The following CHODL variants were observed in gnomAD, a reference collection of about 807,000 sequenced individuals.
CHODL encodes the protein transmembrane protein MT75.
Under a neutral mutation model 34.5 loss-of-function variants are expected in CHODL, and 29 were observed. The ratio of observed to expected loss-of-function variants is 0.84; its 90% CI spans 0.63 to 1.15. CHODL has a LOEUF of 1.15. Ranked by LOEUF, CHODL falls within the 50% of genes most tolerant of loss-of-function variation. The pLI is 0.00. For synonymous variants in CHODL, 125 were observed against 116.1 expected, an observed-to-expected ratio of 1.08 and a Z score of -0.49; for missense variants, 332 against 332.5, an observed-to-expected ratio of 1.00 and a Z score of 0.01.
In CHODL at chr21:18,180,557, C is replaced by T. The variant is rs371005062; in HGVS notation, c.-44-75952C>T. Among the ~76,000 whole-genome samples, 27 of 152,284 alleles carry T rather than the reference C, an allele frequency of 1.8e-4. No homozygotes were observed. In the South Asian group the frequency reaches 1.9e-3, roughly 11 times the overall value. ...GTAGAAGTAACCTTGTATCTTCTTA[C>T]GGTACATTATTACGTAGTTATTAAT... On this transcript the variant is annotated intron_variant, in intron 2 of 6. Transcript: ENST00000400127.
intron 2 of CHODL, among the ~76,000 whole-genome samples, chr21:18,145,833 T>C (rs1011340510): frequency 3.9e-5 from 6 of 152,224 alleles, no homozygotes; most frequent in African/African-American, 7.2e-5. Context: ...ATCTTTTACA[T>C]AGATGCATGT....
chr21:18,103,244 T>C (rs1202941698), intron 2 of CHODL, among the ~76,000 whole-genome samples: 1 of 152,126 alleles, frequency 6.6e-6, no homozygotes, highest in East Asian at 1.9e-4. Flanking sequence ...AAAAATGAGA[T>C]GTTAAGATAA....
intron 1 of CHODL, among the ~76,000 whole-genome samples, chr21:17,918,293 A>G (rs192302344): frequency 1.3e-5 from 2 of 152,270 alleles, no homozygotes; most frequent in Admixed American, 6.5e-5. Context: ...TCTGTAAAGT[A>G]GTTATTATAC....
intron 4 of CHODL, among the ~76,000 whole-genome samples, chr21:18,261,136 C>T (rs2146823262): frequency 6.6e-6 from 1 of 152,186 alleles, no homozygotes; most frequent in Admixed American, 6.5e-5. Flanking sequence ...ACATCTGGTC[C>T]ACTTTGACCA....
In CHODL at chr21:18,088,313, G is replaced by T. The variant is rs114510708; in HGVS notation, c.-45+60342G>T. Among the ~76,000 whole-genome samples the T allele has an allele frequency of 5.1e-3, 771 of 152,276 alleles. 1 individual carries two copies. Among genetic ancestry groups the T allele is most frequent in the African/African-American group, 0.017 (699 of 41,548 alleles). ...CAGGGCAGCAGGGTCACTTCCAGGG[G>T]TGTGTGAGAGTCTCACTCTCCCTCG... On this transcript the variant is annotated intron_variant, in intron 2 of 6. Coordinates refer to the CHODL transcript ENST00000400127.
At chr21:18,175,735 G>A (rs1207703770) in intron 2 of CHODL, among the ~76,000 whole-genome samples, 1 of 151,116 alleles carries the variant, frequency 6.6e-6, no homozygotes, top group African/African-American at 2.4e-5. Context: ...GAGATAGAGA[G>A]TATCAAAAGA....
intron 2 of CHODL, among the ~76,000 whole-genome samples, chr21:18,201,632 A>G (rs1393278446): frequency 6.6e-6 from 1 of 152,166 alleles, no homozygotes; most frequent in East Asian, 1.9e-4. Context: ...AACAACTGAC[A>G]TAATGAATTG....
chr21:18,062,390 G>A (rs187692976), intron 2 of CHODL, among the ~76,000 whole-genome samples: 20 of 151,860 alleles, frequency 1.3e-4, no homozygotes, highest in Admixed American at 3.3e-4. Flanking sequence ...TTTATTTTTT[G>A]TAGAGATGGG....
At chr21:18,242,951 C>A (rs2074095793), upstream of CHODL, among the ~76,000 whole-genome samples, 1 of 152,202 alleles carries the variant, frequency 6.6e-6, no homozygotes, top group Admixed American at 6.5e-5. Flanking sequence ...TTGTAATTTA[C>A]TGGTATTCTT....
Position 18,202,858 on chromosome 21 carries a change from A to C in CHODL, c.-44-53651A>C, listed in dbSNP as rs940500017. Among the ~76,000 whole-genome samples the C allele has an allele frequency of 2.6e-5, 4 of 152,242 alleles. No individual in the cohort carries two copies. The South Asian group carries it at 8.3e-4, about 31-fold the overall frequency. ...ACCTTAAAAGTGTAATATTCTGCAC[A>C]GTTTAACATAGACAGTAAATATGCT... On this transcript the variant is annotated intron_variant, in intron 2 of 6. Coordinates refer to the CHODL transcript ENST00000400127.
chr21:18,245,778 G>T (rs2074133555), intron 1 of CHODL: 8 of 714,172 alleles, frequency 1.1e-5, no homozygotes, highest in Non-Finnish European at 1.9e-5. Context: ...GTTCGCTGTG[G>T]GTCGCCTCCG....
intron 1 of CHODL, among the ~76,000 whole-genome samples, chr21:17,926,246 GA>G (rs150702868): frequency 2.7e-5 from 4 of 150,284 alleles, no homozygotes; most frequent in Non-Finnish European, 3.0e-5. Context: ...TTTATGAAAT[GA>G]AAAAAAAATT....
chr21:18,158,422 CA>C (rs1346039690), intron 2 of CHODL, among the ~76,000 whole-genome samples: 1 of 152,126 alleles, frequency 6.6e-6, no homozygotes, highest in Non-Finnish European at 1.5e-5. Flanking sequence ...ATAGATTATT[CA>C]AAAGACTTAA....
At chr21:18,143,207 G>A (rs2072823654) in intron 2 of CHODL, among the ~76,000 whole-genome samples, 1 of 152,110 alleles carries the variant, frequency 6.6e-6, no homozygotes, top group South Asian at 2.1e-4. Context: ...TATTTTCCAG[G>A]TTAAGCACCA....
At chr21:18,163,728 G>A (rs1287201938) in intron 2 of CHODL, among the ~76,000 whole-genome samples, 1 of 151,968 alleles carries the variant, frequency 6.6e-6, no homozygotes, top group Non-Finnish European at 1.5e-5. Flanking sequence ...AGTTTCTTGA[G>A]GTATTGTTTA....
chr21:17,951,805 T>A (rs888903606), intron 1 of CHODL, among the ~76,000 whole-genome samples: 2 of 152,072 alleles, frequency 1.3e-5, no homozygotes, highest in Non-Finnish European at 2.9e-5. Context: ...AGAAATAAAT[T>A]GATCAAATTG....
chr21:18,184,490 A>C (rs1368099941), intron 2 of CHODL, among the ~76,000 whole-genome samples: 1 of 152,180 alleles, frequency 6.6e-6, no homozygotes, highest in East Asian at 1.9e-4. Flanking sequence ...AGTTTTAGAG[A>C]GTCTGAAATA....
At chr21:18,043,453 T>C (rs1166318559) in intron 2 of CHODL, among the ~76,000 whole-genome samples, 1 of 151,960 alleles carries the variant, frequency 6.6e-6, no homozygotes, top group African/African-American at 2.4e-5. Flanking sequence ...CACAATAAGA[T>C]GTTCCATGAA....
At chr21:18,170,756 C>G (rs1276398362) in intron 2 of CHODL, among the ~76,000 whole-genome samples, 1 of 152,070 alleles carries the variant, frequency 6.6e-6, no homozygotes, top group East Asian at 1.9e-4. Flanking sequence ...AAATAGTTAT[C>G]TATGATGTTT....
Sources: allele counts gnomAD v4.1 joint callset (sites outside exome capture counted in the v4.1 genomes callset), GRCh38; gene constraint gnomAD v4.1.1; transcripts MANE v1.5; gene names NCBI Gene and HGNC (gene_info 2026-07-23, HGNC 2026-07-21).